GJA8: variants seen among roughly 807,000 people sequenced by gnomAD.
GJA8 encodes the protein gap junction alpha-8 protein.
A neutral mutation model predicts 15.3 loss-of-function variants in GJA8; 13 were observed. That is an observed-to-expected ratio of 0.85 (90% CI 0.55 to 1.35). The LOEUF is 1.35. Ranked by LOEUF, GJA8 falls within the 40% of genes most tolerant of loss-of-function variation. The pLI, the probability that GJA8 is intolerant of heterozygous loss-of-function variation, is 0.00. For synonymous variants in GJA8, 304 were observed against 238.7 expected (o/e 1.27, Z -2.52); for missense variants, 607 against 553.3 (o/e 1.10, Z -0.97).
At position 147,909,157 on chromosome 1, in the gene GJA8, C is replaced by T. The variant is rs587624672; in HGVS notation, c.1202C>T (p.Thr401Ile). ...VSKQGLPAEK[T>I]PSLCPELTTD... ...AAGCAAGGGCTGCCAGCTGAGAAGA[C>T]ACCTTCACTCTGTCCAGAGCTGACA... Residue 401 changes from threonine (T) to isoleucine (I), a missense_variant, in exon 2 of 2, where the codon ACA (threonine) becomes ATA (isoleucine). Physicochemically the swap from Thr to Ile is moderately conservative, Grantham distance 89. Transcript: ENST00000369235. The T allele has an allele frequency of 8.7e-6, 14 of 1,613,462 alleles. No homozygotes were observed. The highest frequency in any genetic ancestry group is 6.7e-5 in the African/African-American group (5 of 74,952).
intron 1 of GJA8, among the ~76,000 whole-genome samples, chr1:147,903,933 TC>T (rs1260432765): frequency 5.3e-5 from 2 of 37,630 alleles, no homozygotes; most frequent in African/African-American, 2.4e-4. Flanking sequence ...ATTTAATAAC[TC>T]TTTTTTTTTT....
At chr1:147,906,964 C>A (rs1377763536) in intron 1 of GJA8, among the ~76,000 whole-genome samples, 1 of 152,030 alleles carries the variant, frequency 6.6e-6, no homozygotes, top group Admixed American at 6.5e-5. Flanking sequence ...GGGTTCACTG[C>A]AACCTCGACC....
Position 147,909,069 on chromosome 1 carries a change from G to A in GJA8, c.1114G>A (p.Val372Ile). 1 of 1,606,716 alleles carries A rather than the reference G, an allele frequency of 6.2e-7. No individual in the cohort carries two copies. Among genetic ancestry groups the A allele is most frequent in the Non-Finnish European group, 8.5e-7 (1 of 1,176,402 alleles). Residue 372 changes from valine to isoleucine, a missense_variant, in exon 2 of 2, where the codon GTA (valine) becomes ATA (isoleucine). Val to Ile is a conservative substitution (Grantham distance 29). Transcript: ENST00000369235. ...EKVAVPEGEK[V>I]ETPGVDKEGE... ...GGTGGCCGTGCCAGAGGGGGAGAAA[G>A]TAGAGACCCCCGGAGTGGATAAGGA...
At chr1:147,909,963 G>A (rs1221341363), downstream of GJA8, among the ~76,000 whole-genome samples, 4 of 152,104 alleles carry the variant, frequency 2.6e-5, no homozygotes, top group African/African-American at 4.8e-5. Flanking sequence ...AAGCTCAAGT[G>A]ATCCTCTCAC....
At chr1:147,907,040 CG>C (rs1651826910) in intron 1 of GJA8, among the ~76,000 whole-genome samples, 1 of 152,002 alleles carries the variant, frequency 6.6e-6, no homozygotes, top group South Asian at 2.1e-4. Flanking sequence ...CATGCACCAC[CG>C]AGCCCAGCTA....
chr1:147,906,871 G>T (rs1651818580), intron 1 of GJA8, among the ~76,000 whole-genome samples: 1 of 152,066 alleles, frequency 6.6e-6, no homozygotes, highest in Non-Finnish European at 1.5e-5. Context: ...CTGAGCCTCA[G>T]ATTTCTTTTT....
In GJA8 at chr1:147,908,054, G is replaced by C; in HGVS notation, c.99G>C (p.Arg33=). 6.2e-7 allele frequency: 1 copy of C among 1,614,108 alleles called. No homozygotes were observed. Among genetic ancestry groups the C allele is most frequent in the Non-Finnish European group, 8.5e-7 (1 of 1,179,976 alleles). The change falls in exon 2 of 2, where the codon CGG becomes CGC. Residue 33 remains arginine (R), a synonymous_variant. Transcript: ENST00000369235. ...RVWLTVLFIF[R]ILILGTAAEF... ...GGCTCACCGTGCTTTTCATCTTCCGGATCCTCATCCTTGGCACGGCCGCAG... is the reference window on the plus strand; with the variant it reads ...GGCTCACCGTGCTTTTCATCTTCCGCATCCTCATCCTTGGCACGGCCGCAG...
downstream of GJA8, among the ~76,000 whole-genome samples, chr1:147,910,454 C>T (rs1429702864): frequency 6.6e-6 from 1 of 152,154 alleles, no homozygotes; most frequent in Non-Finnish European, 1.5e-5. Context: ...TCTTTTGGCT[C>T]ATTGTAGCCC....
In GJA8 at chr1:147,909,153, A is replaced by T. The variant is rs782626546; in HGVS notation, c.1198A>T (p.Lys400Ter). The part of the protein sequence containing the change: ...KVSKQGLPAE[K>*]TPSLCPELTT... ...GTCAAAGCAAGGGCTGCCAGCTGAGAAGACACCTTCACTCTGTCCAGAGCT... is the reference window on the plus strand; with the variant it reads ...GTCAAAGCAAGGGCTGCCAGCTGAGTAGACACCTTCACTCTGTCCAGAGCT... The change falls in exon 2 of 2, where the codon AAG becomes TAG. Residue 400 changes from lysine to a stop codon, truncating the protein, a stop_gained. Coordinates refer to ENST00000369235, the MANE Select transcript of GJA8 (RefSeq NM_005267.5). LOFTEE classifies it high-confidence loss of function. 1 of 1,613,904 alleles carries T rather than the reference A, an allele frequency of 6.2e-7. No homozygotes were observed. The highest frequency in any genetic ancestry group is 8.5e-7 in the Non-Finnish European group (1 of 1,179,944).
chr1:147,911,019 T>C (rs1011396730), downstream of GJA8, among the ~76,000 whole-genome samples: 1 of 152,174 alleles, frequency 6.6e-6, no homozygotes, highest in Non-Finnish European at 1.5e-5. Context: ...CCTCAGCCAA[T>C]TGATTTCCAG....
chr1:147,905,872 G>C (rs1010618998), intron 1 of GJA8, among the ~76,000 whole-genome samples: 1 of 152,226 alleles, frequency 6.6e-6, no homozygotes, highest in Non-Finnish European at 1.5e-5. Flanking sequence ...CATGACTGGG[G>C]ATGCCACAGC....
At position 147,908,335 on chromosome 1, in the gene GJA8, G is replaced by A. The variant is rs1553242668; in HGVS notation, c.380G>A (p.Gly127Asp). Residue 127 changes from glycine to aspartate, a missense_variant, in exon 2 of 2, where the codon GGC becomes GAC. Coordinates refer to ENST00000369235, the MANE Select transcript of GJA8 (RefSeq NM_005267.5). ...QAGTNGGPDQGSVKKSSGSKG... is the reference protein window; with the variant it reads ...QAGTNGGPDQDSVKKSSGSKG... ...GGGACTAACGGCGGCCCGGACCAGG[G>A]CAGCGTCAAGAAGAGCAGCGGCAGC... 3 of 1,614,218 alleles carry A rather than the reference G, an allele frequency of 1.9e-6. No individual in the cohort carries two copies. The highest frequency in any genetic ancestry group is 2.2e-5 in the East Asian group (1 of 44,888).
chr1:147,912,361 A>G (rs1652197006), downstream of GJA8, among the ~76,000 whole-genome samples: 1 of 152,224 alleles, frequency 6.6e-6, no homozygotes, highest in African/African-American at 2.4e-5. Flanking sequence ...TTTTCTCAGA[A>G]GAGATTCAAA....
At chr1:147,912,297 C>T (rs1018376087), downstream of GJA8, among the ~76,000 whole-genome samples, 25 of 152,162 alleles carry the variant, frequency 1.6e-4, no homozygotes, top group Non-Finnish European at 4.4e-5. Context: ...CTCCAACCTG[C>T]CTCGTAGTTA....
Position 147,908,691 on chromosome 1 carries a change from G to A in GJA8, c.736G>A (p.Glu246Lys). ...GAGGCCTGTAGAGCAGCCCCTGGGG[G>A]AGATTCCTGAGAAATCCCTCCACTC... ...LKRPVEQPLG[E>K]IPEKSLHSIA... is the part of the protein sequence containing the mutation. The change falls in exon 2 of 2, where the codon GAG (glutamate) becomes AAG (lysine). Residue 246 changes from glutamate (E) to lysine (K), a missense_variant. Physicochemically the swap from Glu to Lys is moderately conservative, Grantham distance 56. Coordinates refer to ENST00000369235, the MANE Select transcript of GJA8 (RefSeq NM_005267.5). 6.2e-7 allele frequency: 1 copy of A among 1,614,168 alleles called. No individual in the cohort carries two copies. Among genetic ancestry groups the A allele is most frequent in the South Asian group, 1.1e-5 (1 of 91,084 alleles).
At position 147,907,392 on chromosome 1, in the gene GJA8, T is replaced by C. The variant is rs146799983; in HGVS notation, c.-11-553T>C. 1.5e-4 allele frequency among the ~76,000 whole-genome samples: 23 copies of C among 152,346 alleles called. 1 individual carries two copies. The East Asian group carries it at 4.3e-3, about 28-fold the overall frequency. On this transcript the variant is annotated intron_variant, in intron 1 of 1. Coordinates refer to ENST00000369235, the MANE Select transcript of GJA8 (RefSeq NM_005267.5). ...GTTCTTTCACAAAGTTGGTATTCAA[T>C]AAATGCTAATCCCCTTCCACTTCCC...
chr1:147,908,410 T>C lies in GJA8; in HGVS notation c.455T>C (p.Ile152Thr). 6.2e-7 allele frequency: 1 copy of C among 1,614,144 alleles called. No individual in the cohort carries two copies. The highest frequency in any genetic ancestry group is 8.5e-7 in the Non-Finnish European group (1 of 1,180,016). ...GAGGGGACCCTGCTGAGGACCTACA[T>C]CTGCCACATCATCTTCAAGACCCTC... ...RLEGTLLRTY[I>T]CHIIFKTLFE... The change falls in exon 2 of 2, where the codon ATC becomes ACC. Residue 152 changes from isoleucine (I) to threonine (T), a missense_variant. Transcript: ENST00000369235.
downstream of GJA8, among the ~76,000 whole-genome samples, chr1:147,913,651 G>C (rs782144370): frequency 6.6e-6 from 1 of 152,120 alleles, no homozygotes; most frequent in Non-Finnish European, 1.5e-5. Context: ...TCCAGTTCCC[G>C]AGAAGGGTCA....
intron 1 of GJA8, among the ~76,000 whole-genome samples, chr1:147,905,181 C>T (rs1249749365): frequency 1.3e-5 from 2 of 152,142 alleles, no homozygotes; most frequent in African/African-American, 4.8e-5. Flanking sequence ...ATTCATATTA[C>T]AGGAATTTGG....
Sources: gnomAD v4.1 joint callset for allele counts (sites outside exome capture counted in the v4.1 genomes callset) on GRCh38, gnomAD v4.1.1 for gene constraint, MANE v1.5 for transcripts, NCBI Gene and HGNC (gene_info 2026-07-23, HGNC 2026-07-21) for gene names.